TPTE2: variants seen among roughly 807,000 people sequenced by gnomAD.
The protein encoded by TPTE2 is phosphatidylinositol 3,4,5-trisphosphate 3-phosphatase TPTE2.
TPTE2 carries 53 observed loss-of-function variants against 78.6 expected under a neutral mutation model. The observed-to-expected ratio is 0.67, with a 90% CI of 0.54 to 0.85. The LOEUF is 0.85. Among genes scored for constraint, TPTE2 ranks in the 40% least tolerant of loss-of-function variants. The probability of loss-of-function intolerance (pLI) is 0.00; values close to 1 mark genes in which losing one functional copy is unlikely to be tolerated. For missense variants in TPTE2, 461 were observed against 623.0 expected (o/e 0.74, Z 2.77); for synonymous variants, 175 against 206.2 (o/e 0.85, Z 1.30).
At chr13:19,561,181 AG>A in the TPTE2 span, 1 of 1,565,498 alleles carries the variant, frequency 6.4e-7, no homozygotes, top group African/African-American at 1.4e-5. Flanking sequence ...TCTGTCTCCG[AG>A]GAGCCCTTTG....
the TPTE2 span, chr13:19,561,269 C>T: frequency 2.5e-6 from 3 of 1,203,652 alleles, no homozygotes; most frequent in Non-Finnish European, 2.3e-6. Flanking sequence ...GCGCTGGTCA[C>T]CTGACACGCG....
chr13:19,471,269 A>T lies in TPTE2; in HGVS notation c.392+2645T>A, dbSNP rs149907504. On this transcript the variant is annotated intron_variant, in intron 6 of 19. Transcript: ENST00000400230. Reference sequence around the variant, plus strand: ...TTTGACTGAAAAGCTTAGTCTGCTGACACTCAGTGTTATCATTGATAAGTA... The same window carrying T: ...TTTGACTGAAAAGCTTAGTCTGCTGTCACTCAGTGTTATCATTGATAAGTA... 1.4e-4 allele frequency among the ~76,000 whole-genome samples: 21 copies of T among 152,238 alleles called. No homozygotes were observed. In the East Asian group the frequency reaches 4.1e-3, roughly 29 times the overall value.
At chr13:19,461,933 CT>C (rs60926599) in intron 10 of TPTE2, among the ~76,000 whole-genome samples, 54 of 134,332 alleles carry the variant, frequency 4.0e-4, no homozygotes, top group Middle Eastern at 3.8e-3. Flanking sequence ...ACAGTTGGGT[CT>C]TTTTTTTTTT....
At chr13:19,465,603 A>T in intron 7 of TPTE2, 39 bp from the exon 11 acceptor site, 1 of 1,506,492 alleles carries the variant, frequency 6.6e-7, no homozygotes. Context: ...TGCTTCAGAA[A>T]CAGAATTTTA....
upstream of TPTE2, among the ~76,000 whole-genome samples, chr13:19,503,584 TGG>T (rs1159885740): frequency 1.6e-5 from 1 of 63,614 alleles, no homozygotes; most frequent in East Asian, 2.7e-3. Context: ...AACTTTTGTG[TGG>T]AGGTAGTCAG....
chr13:19,464,331 T>C lies in TPTE2; in HGVS notation c.741+125A>G, dbSNP rs190202540. 1,810 of 1,024,092 alleles carry C rather than the reference T, an allele frequency of 1.8e-3. 3 individuals are homozygous for C. Among genetic ancestry groups the C allele is most frequent in the Non-Finnish European group, 2.2e-3 (1,554 of 693,640 alleles). 63.4% of individuals were successfully genotyped at this position (1,024,092 alleles called of 1,614,324 possible). A position where few individuals can be genotyped will look rare whatever the true frequency, so the allele number is the denominator to read the frequency against. Reference sequence around the variant, plus strand: ...AATTGTAACTGGTATCAATCCATTATGATTTTTTTACTTGAAAGAGTACAT... The same window carrying C: ...AATTGTAACTGGTATCAATCCATTACGATTTTTTTACTTGAAAGAGTACAT... On this transcript the variant is annotated intron_variant, in intron 10 of 19. Coordinates refer to ENST00000400230, the Ensembl canonical transcript of TPTE2.
the TPTE2 span, among the ~76,000 whole-genome samples, chr13:19,543,077 A>C: frequency 6.6e-6 from 1 of 151,340 alleles, no homozygotes; most frequent in South Asian, 2.1e-4. Context: ...TTTTTAATTA[A>C]GACAGAGTCT....
intron 10 of TPTE2, among the ~76,000 whole-genome samples, chr13:19,453,624 G>C (rs1054464330): frequency 1.5e-4 from 22 of 150,062 alleles, no homozygotes; most frequent in Non-Finnish European, 8.8e-5. Context: ...GTTTACCGAA[G>C]ACTGCAAATA....
At chr13:19,537,331 T>G (rs1199451768), upstream of TPTE2, among the ~76,000 whole-genome samples, 3 of 151,632 alleles carry the variant, frequency 2.0e-5, no homozygotes, top group East Asian at 5.8e-4. Context: ...CTTGCCAGGT[T>G]CAAGCTATTC....
At chr13:19,475,128 G>A (rs867654449) in intron 5 of TPTE2, among the ~76,000 whole-genome samples, 1 of 152,160 alleles carries the variant, frequency 6.6e-6, no homozygotes, top group African/African-American at 2.4e-5. Context: ...CTGATGGACA[G>A]TGGAAATGCT....
At chr13:19,439,810 C>T (rs1031506584) in intron 13 of TPTE2, among the ~76,000 whole-genome samples, 1 of 152,144 alleles carries the variant, frequency 6.6e-6, no homozygotes, top group Non-Finnish European at 1.5e-5. Context: ...TTTCAAAATA[C>T]AACTGAAAAC....
intron 1 of TPTE2, among the ~76,000 whole-genome samples, chr13:19,526,921 T>G (rs1430097491): frequency 2.0e-5 from 3 of 152,080 alleles, no homozygotes; most frequent in African/African-American, 7.2e-5. Flanking sequence ...GATTTAGGAT[T>G]TTACGTGAAA....
chr13:19,521,415 AC>A (rs1189467399), intron 1 of TPTE2, among the ~76,000 whole-genome samples: 2 of 150,504 alleles, frequency 1.3e-5, no homozygotes, highest in African/African-American at 2.4e-5. Flanking sequence ...TTTTTTGGTT[AC>A]TGTTTGCTTG....
At chr13:19,467,146 A>C (rs1879316828) in intron 7 of TPTE2, 79 bp downstream of exon 10, 2 of 1,385,654 alleles carry the variant, frequency 1.4e-6, no homozygotes, top group Non-Finnish European at 2.0e-6. Flanking sequence ...GAAGTTGAAA[A>C]GATTATATAG....
At chr13:19,424,648 T>C (rs1349679760) in intron 19 of TPTE2, among the ~76,000 whole-genome samples, 1 of 152,202 alleles carries the variant, frequency 6.6e-6, no homozygotes, top group Non-Finnish European at 1.5e-5. Flanking sequence ...AGCAGACTCA[T>C]ATTGAACTTC....
intron 15 of TPTE2, among the ~76,000 whole-genome samples, chr13:19,432,798 A>G (rs1876767355): frequency 6.6e-6 from 1 of 151,858 alleles, no homozygotes; most frequent in Non-Finnish European, 1.5e-5. Flanking sequence ...GGAAGTAACA[A>G]GGATGGAGCC....
intron 1 of TPTE2, among the ~76,000 whole-genome samples, chr13:19,497,794 G>C (rs1220351173): frequency 6.6e-6 from 1 of 151,498 alleles, no homozygotes; most frequent in African/African-American, 2.4e-5. Context: ...AACAAAGCTG[G>C]ATGGAGAATG....
chr13:19,456,407 C>G (rs1878537642), intron 10 of TPTE2, among the ~76,000 whole-genome samples: 1 of 151,582 alleles, frequency 6.6e-6, no homozygotes, highest in Non-Finnish European at 1.5e-5. Flanking sequence ...AATGCTTGAG[C>G]CCAGGTGCCA....
At chr13:19,543,476 G>A in the TPTE2 span, among the ~76,000 whole-genome samples, 1 of 151,328 alleles carries the variant, frequency 6.6e-6, no homozygotes, top group Non-Finnish European at 1.5e-5. Flanking sequence ...CCTGCCTCAG[G>A]CCCCCGTGTA....
Sources: gnomAD v4.1 joint callset for allele counts (sites outside exome capture counted in the v4.1 genomes callset) on GRCh38, gnomAD v4.1.1 for gene constraint, MANE v1.5 for transcripts, NCBI Gene and HGNC (gene_info 2026-07-23, HGNC 2026-07-21) for gene names.